Variants in NEK6 observed in about 807,000 individuals in gnomAD.
NEK6 encodes the protein NIMA related kinase 6.
In NEK6, 27 loss-of-function variants were observed where a neutral mutation model predicts 43.5. The observed-to-expected ratio is 0.62, with a 90% CI of 0.46 to 0.86. The LOEUF is 0.86. Among genes scored for constraint, NEK6 ranks in the 40% least tolerant of loss-of-function variants. NEK6 has a pLI of 0.00. For missense variants in NEK6, 318 were observed against 414.4 expected (o/e 0.77, Z 2.02); for synonymous variants, 167 against 164.1 (o/e 1.02, Z -0.14).
At chr9:124,336,995 C>CAA (rs61536283) in intron 7 of NEK6, among the ~76,000 whole-genome samples, 3 of 127,526 alleles carry the variant, frequency 2.4e-5, no homozygotes, top group African/African-American at 8.6e-5. Context: ...GACTCTGTCT[C>CAA]AAAAAAAAAA....
chr9:124,309,158 G>C (rs997096235), intron 2 of NEK6, among the ~76,000 whole-genome samples: 2 of 152,196 alleles, frequency 1.3e-5, no homozygotes, highest in Non-Finnish European at 2.9e-5. Context: ...GGAGTGCAGT[G>C]GTGCCCCAGA....
intron 7 of NEK6, among the ~76,000 whole-genome samples, chr9:124,329,283 C>G (rs529567803): frequency 7.9e-5 from 12 of 152,260 alleles, no homozygotes; most frequent in Non-Finnish European, 1.5e-4. Flanking sequence ...GGGAAGCTGT[C>G]AAAGAGAAGA....
In NEK6 at chr9:124,295,569, G is replaced by T. The variant is rs573111324; in HGVS notation, c.-29-6367G>T. Among the ~76,000 whole-genome samples the T allele has an allele frequency of 5.3e-5, 8 of 152,334 alleles. No homozygotes were observed. In the East Asian group the frequency reaches 1.5e-3, roughly 29 times the overall value. The stretch of plus-strand genomic sequence containing the variant: ...CGAGTGTCAGTTCTGCCTGCCGCCT[G>T]CTGTGTGACCTGGCACCCGTCACTC... On this transcript the variant is annotated intron_variant, in intron 1 of 9. Transcript: ENST00000320246.
At chr9:124,266,734 G>A (rs1451893526) in intron 1 of NEK6, among the ~76,000 whole-genome samples, 3 of 152,234 alleles carry the variant, frequency 2.0e-5, no homozygotes, top group Non-Finnish European at 4.4e-5. Flanking sequence ...TGAGTGAATG[G>A]GAAGTTTTAA....
At chr9:124,258,212 G>T (rs1355001521) in intron 1 of NEK6, 127 bp downstream of exon 1, 1 of 977,352 alleles carries the variant, frequency 1.0e-6, no homozygotes, top group South Asian at 4.6e-5. Flanking sequence ...CTCCGCGGGG[G>T]AGAGCGGGAG....
At chr9:124,338,250 G>A (rs1829390673) in intron 7 of NEK6, among the ~76,000 whole-genome samples, 1 of 152,200 alleles carries the variant, frequency 6.6e-6, no homozygotes, top group East Asian at 1.9e-4. Flanking sequence ...CAAAGTGGTG[G>A]GTTTACAGGC....
rs746266033 is a variant in NEK6 at position 124,321,554 on chromosome 9, C to T, written c.390C>T (p.Leu130=). 3.7e-5 allele frequency: 59 copies of T among 1,611,896 alleles called. No individual in the cohort carries two copies. Among genetic ancestry groups the T allele is most frequent in the Non-Finnish European group, 4.6e-5 (54 of 1,177,930 alleles). Residue 130 remains leucine, a synonymous_variant, in exon 5 of 10, where the codon CTC becomes CTT. Coordinates refer to ENST00000320246, the MANE Select transcript of NEK6 (RefSeq NM_014397.6). ...IVLELADAGD[L]SQMIKYFKKQ... ...TGGAGTTGGCTGACGCAGGGGACCT[C>T]TCGCAGATGATCAAGGTGAGCGCCT... is the stretch of plus-strand genomic sequence containing the variant.
intron 1 of NEK6, chr9:124,291,946 G>A: frequency 1.0e-6 from 1 of 986,162 alleles, no homozygotes; most frequent in Non-Finnish European, 1.2e-6. Context: ...GAAGTCCCAT[G>A]CGGAGACAGA....
intron 7 of NEK6, among the ~76,000 whole-genome samples, chr9:124,330,821 G>A (rs571296572): frequency 1.5e-3 from 228 of 152,282 alleles, no homozygotes; most frequent in African/African-American, 5.2e-3. Flanking sequence ...CAGGGCAGGC[G>A]TGGGGCTCTG....
Position 124,351,761 on chromosome 9 carries a change from G to GT in NEK6, c.*815dup. Reference sequence around the variant, plus strand: ...AATTCTGGTTCTGCAACTTCCTAGCGTGACTTTGGGCTTGGGCAAGTTTCT... The same window carrying GT: ...AATTCTGGTTCTGCAACTTCCTAGCGTTGACTTTGGGCTTGGGCAAGTTTCT... On this transcript the variant is annotated 3_prime_UTR_variant, in exon 10 of 10. Coordinates refer to ENST00000320246, the MANE Select transcript of NEK6 (RefSeq NM_014397.6). 6.6e-6 allele frequency: 1 copy of GT among 152,318 alleles called. No homozygotes were observed. Among genetic ancestry groups the GT allele is most frequent in the Non-Finnish European group, 1.5e-5 (1 of 68,038 alleles). 9.4% of individuals were successfully genotyped at this position (152,318 alleles called of 1,614,324 possible).
intron 1 of NEK6, among the ~76,000 whole-genome samples, chr9:124,268,461 A>G (rs1257007424): frequency 6.6e-6 from 1 of 152,168 alleles, no homozygotes; most frequent in Admixed American, 6.5e-5. Context: ...GAATGCATTC[A>G]CTTCCCAGTG....
chr9:124,317,945 T>C (rs886565222), intron 4 of NEK6, among the ~76,000 whole-genome samples: 3 of 152,242 alleles, frequency 2.0e-5, no homozygotes, highest in African/African-American at 7.2e-5. Flanking sequence ...CTAGATTGAT[T>C]CGGTGTCTTT....
At chr9:124,260,102 G>T (rs1431840899) in intron 1 of NEK6, among the ~76,000 whole-genome samples, 1 of 152,176 alleles carries the variant, frequency 6.6e-6, no homozygotes, top group Non-Finnish European at 1.5e-5. Flanking sequence ...GCACACGGGG[G>T]TCAAGCCTGT....
At position 124,326,758 on chromosome 9, in the gene NEK6, G is replaced by A. The variant is rs889793944; in HGVS notation, c.514+320G>A. Among the ~76,000 whole-genome samples, 2 of 152,200 alleles carry A rather than the reference G, an allele frequency of 1.3e-5. No homozygotes were observed. Among genetic ancestry groups the A allele is most frequent in the Non-Finnish European group, 2.9e-5 (2 of 68,032 alleles). On this transcript the variant is annotated intron_variant, in intron 6 of 9. Transcript: ENST00000320246. The surrounding 1 kb of genome is among the most constrained non-coding windows in gnomAD (Gnocchi z 4.5). ...TTCATGGGGGCTTTGCCGTCTCAGCGGGCTGGGCTGAGAAGGGGAGGCACC... is the reference window on the plus strand; with the variant it reads ...TTCATGGGGGCTTTGCCGTCTCAGCAGGCTGGGCTGAGAAGGGGAGGCACC...
At chr9:124,340,634 GTT>G (rs944890897) in intron 8 of NEK6, among the ~76,000 whole-genome samples, 7 of 152,250 alleles carry the variant, frequency 4.6e-5, no homozygotes, top group African/African-American at 1.7e-4. Context: ...AACCCTGACT[GTT>G]TTTCTGCTTT....
chr9:124,343,092 C>T lies in NEK6; in HGVS notation c.717+3427C>T, dbSNP rs1002954031. Among the ~76,000 whole-genome samples, 1 of 152,194 alleles carries T rather than the reference C, an allele frequency of 6.6e-6. No homozygotes were observed. The highest frequency in any genetic ancestry group is 1.5e-5 in the Non-Finnish European group (1 of 68,026). ...TCCTCCGAGTCCTCATTTGTGGGCA[C>T]CTAAATGTGCATCTCACAAGGCAGT... On this transcript the variant is annotated intron_variant, in intron 8 of 9. Coordinates refer to ENST00000320246, the MANE Select transcript of NEK6 (RefSeq NM_014397.6). The surrounding 1 kb of genome is among the most constrained non-coding windows in gnomAD (Gnocchi z 5.1).
chr9:124,294,449 G>A (rs1418165256), intron 1 of NEK6, among the ~76,000 whole-genome samples: 3 of 151,030 alleles, frequency 2.0e-5, no homozygotes, highest in South Asian at 2.1e-4. Flanking sequence ...CAGAGATCGC[G>A]CCATTGCACT....
At chr9:124,283,631 A>T (rs1213906004) in intron 1 of NEK6, among the ~76,000 whole-genome samples, 1 of 152,086 alleles carries the variant, frequency 6.6e-6, no homozygotes, top group African/African-American at 2.4e-5. Context: ...TGCCCTGTGG[A>T]TCCTACTTCC....
chr9:124,290,103 C>T (rs758455538), intron 1 of NEK6, among the ~76,000 whole-genome samples: 3 of 152,230 alleles, frequency 2.0e-5, no homozygotes, highest in Non-Finnish European at 4.4e-5. Flanking sequence ...TCACACCGTA[C>T]GGGTGGTAGG....
Sources: gnomAD v4.1 joint callset for allele counts (sites outside exome capture counted in the v4.1 genomes callset) on GRCh38, gnomAD v4.1.1 for gene constraint, Gnocchi (gnomAD v3.1) non-coding constraint, MANE v1.5 for transcripts, NCBI Gene and HGNC (gene_info 2026-07-23, HGNC 2026-07-21) for gene names.